Variants in C8A observed in about 807,000 individuals in gnomAD.
C8A encodes complement component C8 alpha chain.
C8A carries 67 observed loss-of-function variants against 65.3 expected under a neutral mutation model. That is an observed-to-expected ratio of 1.03 (90% CI 0.84 to 1.26). The LOEUF is 1.26. C8A is among the 50% of genes most tolerant of loss of function. C8A has a pLI of 0.00. For synonymous variants in C8A, 290 were observed against 259.4 expected, an observed-to-expected ratio of 1.12 and a Z score of -1.13; for missense variants, 781 against 723.9, an observed-to-expected ratio of 1.08 and a Z score of -0.90.
At chr1:56,898,943 C>T (rs892541490) in intron 7 of C8A, among the ~76,000 whole-genome samples, 1 of 152,174 alleles carries the variant, frequency 6.6e-6, no homozygotes, top group Non-Finnish European at 1.5e-5. Flanking sequence ...ATGTTCATGG[C>T]TAAAGGCTCT....
rs775967055 is a variant in C8A, at chr1:56,867,703, G to T, written c.171+1G>T. ...TTGCTTTCCGTGCCAGGACAAAAAG[G>T]TGAGACACTTACAACCGGTTTGGGG... is the stretch of plus-strand genomic sequence containing the variant. On this transcript the variant is annotated splice_donor_variant, in intron 2 of 10. Coordinates refer to ENST00000361249, the MANE Select transcript of C8A (RefSeq NM_000562.3). LOFTEE classifies it high-confidence loss of function. The T allele has an allele frequency of 1.2e-5, 19 of 1,612,092 alleles. No individual in the cohort carries two copies. The East Asian group carries it at 4.0e-4, about 34-fold the overall frequency.
intron 7 of C8A, among the ~76,000 whole-genome samples, chr1:56,893,704 C>T (rs1557709699): frequency 6.6e-6 from 1 of 152,130 alleles, no homozygotes; most frequent in Non-Finnish European, 1.5e-5. Flanking sequence ...TCCTCACCTG[C>T]AAGCTGGAAA....
chr1:56,863,940 C>T (rs1644059613), intron 1 of C8A, among the ~76,000 whole-genome samples: 1 of 148,000 alleles, frequency 6.8e-6, no homozygotes, highest in African/African-American at 2.5e-5. Flanking sequence ...CTTTCCCTTC[C>T]TTTTTTCCTT....
chr1:56,887,505 T>C (rs1449086395), intron 7 of C8A, among the ~76,000 whole-genome samples: 1 of 152,214 alleles, frequency 6.6e-6, no homozygotes, highest in Non-Finnish European at 1.5e-5. Context: ...ATGTCTTCTT[T>C]TGAGAAATGT....
chr1:56,886,046 C>T lies in C8A; in HGVS notation c.975C>T (p.Tyr325=). ...CATTAATGGAGCTTCCAGATCAGTA[C>T]AATTATGGCATGTATGCCAAGTTCA... ...LQSLMELPDQ[Y]NYGMYAKFIN... is the part of the protein sequence containing the mutation. The change falls in exon 7 of 11, where the codon TAC becomes TAT. Residue 325 remains tyrosine, a synonymous_variant. Coordinates refer to ENST00000361249, the MANE Select transcript of C8A (RefSeq NM_000562.3). The T allele has an allele frequency of 6.2e-7, 1 of 1,614,034 alleles. No individual in the cohort carries two copies. The highest frequency in any genetic ancestry group is 8.5e-7 in the Non-Finnish European group (1 of 1,179,950).
intron 2 of C8A, among the ~76,000 whole-genome samples, chr1:56,869,068 T>C (rs897710667): frequency 2.6e-5 from 4 of 152,182 alleles, no homozygotes; most frequent in African/African-American, 9.7e-5. Context: ...AGGTTTTGGT[T>C]ACATGGATAA....
chr1:56,878,509 C>CTG (rs1449036777), intron 4 of C8A, among the ~76,000 whole-genome samples: 13 of 152,288 alleles, frequency 8.5e-5, no homozygotes, highest in Admixed American at 2.0e-4. Flanking sequence ...CAGTGTGCTT[C>CTG]ACCCACACTG....
chr1:56,866,265 C>T (rs1004565182), intron 1 of C8A, among the ~76,000 whole-genome samples: 9 of 152,034 alleles, frequency 5.9e-5, no homozygotes, highest in African/African-American at 2.4e-5. Flanking sequence ...AAGGGATTTG[C>T]AAAAATGTAC....
Position 56,854,961 on chromosome 1 carries a change from A to C in C8A, c.60A>C (p.Ala20=), listed in dbSNP as rs774621470. Residue 20 remains alanine, a synonymous_variant, in exon 1 of 11, where the codon GCA becomes GCC. Coordinates refer to ENST00000361249, the MANE Select transcript of C8A (RefSeq NM_000562.3). The part of the protein sequence containing the change: ...SLMTCQPGVT[A]QEKVNQRVRR... ...TGACTTGTCAGCCTGGGGTAACTGC[A>C]CAGGAGAAGGTGAACCAGTAAGTGG... 2.5e-6 allele frequency: 4 copies of C among 1,613,554 alleles called. No individual in the cohort carries two copies. The highest frequency in any genetic ancestry group is 3.4e-6 in the Non-Finnish European group (4 of 1,179,734).
chr1:56,894,091 A>G (rs1477722832), intron 7 of C8A, among the ~76,000 whole-genome samples: 3 of 152,172 alleles, frequency 2.0e-5, no homozygotes, highest in Non-Finnish European at 4.4e-5. Flanking sequence ...TTATTCTCAA[A>G]TTACAGTTAT....
At chr1:56,900,156 T>C (rs1333203521) in intron 7 of C8A, among the ~76,000 whole-genome samples, 1 of 152,106 alleles carries the variant, frequency 6.6e-6, no homozygotes, top group Non-Finnish European at 1.5e-5. Flanking sequence ...GAATGAGGAG[T>C]TGGAAGGCTC....
chr1:56,885,285 CATAA>C (rs1475101411), intron 6 of C8A, among the ~76,000 whole-genome samples: 1 of 136,992 alleles, frequency 7.3e-6, no homozygotes. Context: ...TATATATTTA[CATAA>C]ATATATATTT....
chr1:56,901,750 T>C (rs954450288), intron 7 of C8A, among the ~76,000 whole-genome samples: 1 of 152,116 alleles, frequency 6.6e-6, no homozygotes, highest in Non-Finnish European at 1.5e-5. Flanking sequence ...CCCATTATAC[T>C]CCTAGCTTTG....
chr1:56,912,156 T>C (rs566454724), intron 9 of C8A, among the ~76,000 whole-genome samples: 2 of 152,224 alleles, frequency 1.3e-5, no homozygotes, highest in Non-Finnish European at 2.9e-5. Flanking sequence ...TTATTATTTC[T>C]TAATAATTGT....
At chr1:56,875,177 A>C (rs1644186481) in intron 3 of C8A, 84 bp downstream of exon 3, 1 of 1,479,890 alleles carries the variant, frequency 6.8e-7, no homozygotes. Flanking sequence ...ATTAAAATGC[A>C]TACTCCTGAG....
At position 56,876,092 on chromosome 1, in the gene C8A, A is replaced by G. The variant is rs562746756; in HGVS notation, c.347A>G (p.Asn116Ser). The change falls in exon 4 of 11, where the codon AAT becomes AGT. Residue 116 changes from asparagine (N) to serine (S), a missense_variant. Transcript: ENST00000361249. The part of the protein sequence containing the change: ...GRCLKRHLVC[N>S]GDQDCLDGSD... ...TGCCTGAAACGCCACCTTGTGTGTA[A>G]TGGAGACCAGGACTGCCTTGATGGC... 2.5e-6 allele frequency: 4 copies of G among 1,613,632 alleles called. No homozygotes were observed. The African/African-American group carries it at 5.3e-5, about 22-fold the overall frequency.
At chr1:56,855,309 A>C (rs1360796641) in intron 1 of C8A, among the ~76,000 whole-genome samples, 1 of 152,186 alleles carries the variant, frequency 6.6e-6, no homozygotes, top group African/African-American at 2.4e-5. Flanking sequence ...TAAGATCCTG[A>C]ATATAAAATG....
rs866770672 is a variant in C8A at position 56,885,980 on chromosome 1, G to A, written c.909G>A (p.Met303Ile). Reference protein sequence around the residue: ...FTKVQTAHFKMRKDDIMLDEG... With the variant: ...FTKVQTAHFKIRKDDIMLDEG... ...AGGTGCAGACTGCACATTTTAAGAT[G>A]AGGAAGGATGACATTATGCTGGATG... The change falls in exon 7 of 11, where the codon ATG (methionine) becomes ATA (isoleucine). Residue 303 changes from methionine to isoleucine, a missense_variant. Transcript: ENST00000361249. 3.1e-6 allele frequency: 5 copies of A among 1,614,016 alleles called. No individual in the cohort carries two copies. Among genetic ancestry groups the A allele is most frequent in the African/African-American group, 1.3e-5 (1 of 75,060 alleles).
chr1:56,861,456 A>G (rs1368327830), intron 1 of C8A, among the ~76,000 whole-genome samples: 23 of 152,090 alleles, frequency 1.5e-4, no homozygotes, highest in Admixed American at 1.5e-3. Context: ...TCTAGCCAGG[A>G]GAACCCACTC....
Sources: allele counts gnomAD v4.1 joint callset (sites outside exome capture counted in the v4.1 genomes callset), GRCh38; gene constraint gnomAD v4.1.1; transcripts MANE v1.5; gene names NCBI Gene and HGNC (gene_info 2026-07-23, HGNC 2026-07-21).